The following PPP2R3B variants were observed in gnomAD, a reference collection of about 807,000 sequenced individuals.
The protein encoded by PPP2R3B is serine/threonine-protein phosphatase 2A regulatory subunit B'' subunit beta.
PPP2R3B carries 68 observed loss-of-function variants against 72.9 expected under a neutral mutation model. The ratio of observed to expected loss-of-function variants is 0.93; its 90% CI spans 0.77 to 1.14. The LOEUF (loss-of-function observed/expected upper bound fraction) is 1.14, where lower values mean the gene tolerates loss of function less well. PPP2R3B is among the 50% of genes most tolerant of loss of function. The pLI, the probability that PPP2R3B is intolerant of heterozygous loss-of-function variation, is 0.00. For missense variants in PPP2R3B, 1,018 were observed against 842.0 expected (o/e 1.21, Z -2.59); for synonymous variants, 466 against 375.8 (o/e 1.24, Z -2.78).
At chrX:371,774 G>A (rs1236385104) in intron 1 of PPP2R3B, among the ~76,000 whole-genome samples, 5 of 151,996 alleles carry the variant, frequency 3.3e-5, no homozygotes, top group Admixed American at 2.0e-4. Context: ...ACTCATGCGC[G>A]GAGTGAAAGC....
Position 346,395 on chromosome X carries a change from G to A in PPP2R3B, c.793-135C>T, listed in dbSNP as rs1327555151. The A allele has an allele frequency of 1.3e-4, 109 of 870,440 alleles. 3 individuals are homozygous for A. The South Asian group carries it at 1.8e-3, about 14-fold the overall frequency. 53.9% of individuals were successfully genotyped at this position (870,440 alleles called of 1,614,324 possible). On this transcript the variant is annotated intron_variant, in intron 5 of 12. Coordinates refer to ENST00000390665, the MANE Select transcript of PPP2R3B (RefSeq NM_013239.5). ...GGCCGCCAGGGCACAGGCGGGGGCA[G>A]AGGGAAGGGCCCTGCGGGAGGCGCC...
intron 2 of PPP2R3B, among the ~76,000 whole-genome samples, chrX:348,575 C>CAAAAAA (rs558039195): frequency 8.4e-6 from 1 of 118,662 alleles, no homozygotes; most frequent in Non-Finnish European, 1.8e-5. Context: ...GACTCTGTCT[C>CAAAAAA]AAAAAAAGAG....
intron 2 of PPP2R3B, among the ~76,000 whole-genome samples, chrX:356,501 C>T (rs1473039230): frequency 6.6e-6 from 1 of 152,160 alleles, no homozygotes; most frequent in Non-Finnish European, 1.5e-5. Flanking sequence ...GTGGAGTGAG[C>T]CACCACTCCT....
At chrX:367,959 A>T (rs2071758970) in intron 1 of PPP2R3B, among the ~76,000 whole-genome samples, 1 of 152,260 alleles carries the variant, frequency 6.6e-6, no homozygotes, top group South Asian at 2.1e-4. Flanking sequence ...CAGACAGGCC[A>T]CCAAGGAACG....
intron 1 of PPP2R3B, among the ~76,000 whole-genome samples, chrX:370,469 A>C (rs1191104205): frequency 6.6e-6 from 1 of 152,076 alleles, no homozygotes; most frequent in Non-Finnish European, 1.5e-5. Flanking sequence ...GGACGTGGGG[A>C]TCATTCTGTC....
At chrX:341,490 C>A in intron 8 of PPP2R3B, 94 bp from the exon 9 acceptor site, 1 of 1,232,470 alleles carries the variant, frequency 8.1e-7, no homozygotes, top group Non-Finnish European at 1.1e-6. Context: ...GTGAGGGGAG[C>A]CCCCCGGGCC....
intron 7 of PPP2R3B, chrX:345,257 A>C: frequency 1.5e-6 from 1 of 683,448 alleles, no homozygotes; most frequent in Non-Finnish European, 2.7e-6. Context: ...CAGGAGCTTC[A>C]GGACCAGCGG....
At position 334,205 on chromosome X, in the gene PPP2R3B, G is replaced by A. The variant is rs1338907752; in HGVS notation, c.*162C>T. 3.4e-5 allele frequency: 30 copies of A among 881,278 alleles called. No individual in the cohort carries two copies. In the East Asian group the frequency reaches 1.0e-3, roughly 31 times the overall value. The allele number at this position is 881,278 out of a possible 1,614,324, so 54.6% of individuals were successfully genotyped here. A position where few individuals can be genotyped will look rare whatever the true frequency, so the allele number is the denominator to read the frequency against. ...TGGCACAGAGCTCTGGGCAGGTCCAGCCACGAACCCACAGCGGCAATCAAC... is the reference window on the plus strand; with the variant it reads ...TGGCACAGAGCTCTGGGCAGGTCCAACCACGAACCCACAGCGGCAATCAAC... On this transcript the variant is annotated 3_prime_UTR_variant, in exon 13 of 13. Coordinates refer to ENST00000390665, the MANE Select transcript of PPP2R3B (RefSeq NM_013239.5).
intron 1 of PPP2R3B, among the ~76,000 whole-genome samples, chrX:381,593 CTTTTTTTTTT>C (rs950950107): frequency 1.1e-5 from 1 of 95,058 alleles, no homozygotes; most frequent in East Asian, 3.1e-4. Flanking sequence ...ACAAGCTCAT[CTTTTTTTTTT>C]TTTTTTTTTT....
At chrX:369,316 T>G (rs1057261025) in intron 1 of PPP2R3B, among the ~76,000 whole-genome samples, 63 of 152,158 alleles carry the variant, frequency 4.1e-4, no homozygotes, top group South Asian at 2.1e-4. Context: ...CCTCAGTACG[T>G]GTACTTTAAA....
At chrX:382,686 T>C (rs1045244028) in intron 1 of PPP2R3B, among the ~76,000 whole-genome samples, 36 of 152,240 alleles carry the variant, frequency 2.4e-4, no homozygotes, top group African/African-American at 8.4e-4. Context: ...GAATATATCA[T>C]CCTCTCACAT....
chrX:341,440 G>A, intron 8 of PPP2R3B, 44 bp from the exon 9 acceptor site: 1 of 1,600,006 alleles, frequency 6.2e-7, no homozygotes, highest in Middle Eastern at 1.7e-4. Flanking sequence ...GCATGTCAGG[G>A]AGAGCTTCAC....
chrX:371,684 TCC>T (rs1375271438), intron 1 of PPP2R3B, among the ~76,000 whole-genome samples: 2 of 151,900 alleles, frequency 1.3e-5, no homozygotes, highest in Admixed American at 1.3e-4. Flanking sequence ...CCCCAACACG[TCC>T]AGTGGCTCCA....
At chrX:345,031 G>A (rs1198916002) in intron 7 of PPP2R3B, 2 of 379,052 alleles carry the variant, frequency 5.3e-6, no homozygotes, top group Non-Finnish European at 1.0e-5. Flanking sequence ...GGGGCCGGGA[G>A]GCAGTGGCTG....
chrX:336,905 G>A (rs1157219074), intron 12 of PPP2R3B: 1 of 152,196 alleles, frequency 6.6e-6, no homozygotes, highest in Admixed American at 6.5e-5. Flanking sequence ...GCGGCAGCTG[G>A]GCCCACAGGG....
At chrX:372,122 C>T (rs1462063796) in intron 1 of PPP2R3B, among the ~76,000 whole-genome samples, 1 of 152,250 alleles carries the variant, frequency 6.6e-6, no homozygotes, top group East Asian at 1.9e-4. Context: ...CCAGCGAGCC[C>T]GCACCGCCCA....
intron 2 of PPP2R3B, among the ~76,000 whole-genome samples, chrX:354,003 C>T (rs1400589259): frequency 3.5e-5 from 5 of 143,254 alleles, no homozygotes; most frequent in South Asian, 2.3e-4. Context: ...ATCCAAAGAC[C>T]GGGGCTCACC....
At chrX:377,712 C>T (rs1465261014) in intron 1 of PPP2R3B, among the ~76,000 whole-genome samples, 7 of 141,974 alleles carry the variant, frequency 4.9e-5, no homozygotes, top group Non-Finnish European at 1.1e-4. Context: ...CTACTGTGTA[C>T]AGGGACGGGC....
rs191073807 is a variant in PPP2R3B at position 347,412 on chromosome X, G to C, written c.615-76C>G. ...ACCCCGCAGACGCAGGGTGGAACAC[G>C]TGTGTGGTGTTCCACGTGGTGCGTG... On this transcript the variant is annotated intron_variant, in intron 3 of 12. Transcript: ENST00000390665. 3,046 of 1,407,494 alleles carry C rather than the reference G, an allele frequency of 2.2e-3. 53 individuals carry two copies. The African/African-American group carries it at 0.039, about 18-fold the overall frequency. 87.2% of individuals were successfully genotyped at this position (1,407,494 alleles called of 1,614,324 possible).
Sources: gnomAD v4.1 joint callset for allele counts (sites outside exome capture counted in the v4.1 genomes callset) on GRCh38, gnomAD v4.1.1 for gene constraint, MANE v1.5 for transcripts, NCBI Gene and HGNC (gene_info 2026-07-23, HGNC 2026-07-21) for gene names.